GABRA3: variants seen among roughly 807,000 people sequenced by gnomAD.
The protein encoded by GABRA3 is gamma-aminobutyric acid type A receptor subunit alpha3.
Under a neutral mutation model 30.1 loss-of-function variants are expected in GABRA3, and 10 were observed. The ratio of observed to expected loss-of-function variants is 0.33; its 90% CI spans 0.20 to 0.56. The LOEUF (loss-of-function observed/expected upper bound fraction) is 0.56, where lower values mean the gene tolerates loss of function less well. GABRA3 is among the 20% of genes least tolerant of loss of function. The pLI, the probability that GABRA3 is intolerant of heterozygous loss-of-function variation, is 0.89. For synonymous variants in GABRA3, 151 were observed against 146.8 expected, an observed-to-expected ratio of 1.03 and a Z score of -0.21; for missense variants, 233 against 392.0, an observed-to-expected ratio of 0.59 and a Z score of 3.42.
At chrX:152,361,662 T>C (rs1432136018) in intron 2 of GABRA3, among the ~76,000 whole-genome samples, 1 of 109,403 alleles carries the variant, frequency 9.1e-6, no homozygotes, top group Non-Finnish European at 1.9e-5. Flanking sequence ...GTTTGTTTGT[T>C]TTAGAGATAG....
chrX:152,301,668 G>A (rs1671137765), intron 3 of GABRA3, among the ~76,000 whole-genome samples: 1 of 110,334 alleles, frequency 9.1e-6, no homozygotes, highest in African/African-American at 3.3e-5. Context: ...TGAGTAGCTG[G>A]GATTACAGGC....
chrX:152,286,145 T>G (rs1939291845), intron 3 of GABRA3, among the ~76,000 whole-genome samples: 1 of 101,851 alleles, frequency 9.8e-6, no homozygotes, highest in South Asian at 4.7e-4. Context: ...ATAAGTTATA[T>G]ACTTATATAC....
intron 2 of GABRA3, among the ~76,000 whole-genome samples, chrX:152,347,065 C>T (rs1279471755): frequency 1.8e-5 from 2 of 112,001 alleles, no homozygotes; most frequent in Non-Finnish European, 3.8e-5. Context: ...GGACTGTTCA[C>T]AATCGGTAAG....
intron 3 of GABRA3, among the ~76,000 whole-genome samples, chrX:152,322,889 T>A (rs763609659): frequency 1.2e-5 from 1 of 85,131 alleles, no homozygotes; most frequent in African/African-American, 4.6e-5. Flanking sequence ...AGTCTTGCTC[T>A]GTCACCAGGC....
intron 4 of GABRA3, among the ~76,000 whole-genome samples, chrX:152,272,240 C>T (rs1938955958): frequency 8.9e-6 from 1 of 112,255 alleles, no homozygotes; most frequent in Admixed American, 9.4e-5. Context: ...GGGACTGTAC[C>T]CTGCAAAGCC....
At chrX:152,413,283 G>A (rs1327718412) in intron 1 of GABRA3, among the ~76,000 whole-genome samples, 1 of 110,353 alleles carries the variant, frequency 9.1e-6, no homozygotes, top group Non-Finnish European at 1.9e-5. Context: ...AAGGTGAATA[G>A]GAAAGAACAG....
chrX:152,420,814 T>C (rs1350027894), intron 1 of GABRA3, among the ~76,000 whole-genome samples: 1 of 111,074 alleles, frequency 9.0e-6, no homozygotes, highest in Non-Finnish European at 1.9e-5. Context: ...TATTGATTGA[T>C]ATGGTTTGGC....
Position 152,168,076 on chromosome X carries a change from C to G in GABRA3, c.*152G>C. ...GTAATTTTTCTGTAGTTATTTTTTG[C>G]GTAGAGATTCATAAATATGAATTGA... On this transcript the variant is annotated 3_prime_UTR_variant, in exon 10 of 10. Coordinates refer to ENST00000370314, the MANE Select transcript of GABRA3 (RefSeq NM_000808.4). The G allele has an allele frequency of 2.2e-6, 1 of 464,233 alleles. No individual in the cohort carries two copies. Among genetic ancestry groups the G allele is most frequent in the Non-Finnish European group, 3.7e-6 (1 of 271,551 alleles). The allele number at this position is 464,233 out of a possible 1,213,427, so 38.3% of individuals were successfully genotyped here.
intron 6 of GABRA3, among the ~76,000 whole-genome samples, chrX:152,210,340 A>G (rs1008573568): frequency 1.8e-5 from 2 of 112,096 alleles, no homozygotes; most frequent in Non-Finnish European, 3.8e-5. Flanking sequence ...TAATTTTTTA[A>G]AAAAATTGAT....
At chrX:152,300,794 C>A (rs1478790330) in intron 3 of GABRA3, among the ~76,000 whole-genome samples, 1 of 111,734 alleles carries the variant, frequency 8.9e-6, no homozygotes, top group Non-Finnish European at 1.9e-5. Flanking sequence ...ACAAAGGAGT[C>A]AGTGAACTTG....
At chrX:152,401,266 G>GTATATATATATATATATATA (rs747896105) in intron 1 of GABRA3, among the ~76,000 whole-genome samples, 20 of 97,309 alleles carry the variant, frequency 2.1e-4, no homozygotes, top group African/African-American at 7.5e-4. Context: ...TTTAATGTGT[G>GTATATATATATATATATATA]TATATATATA....
At position 152,408,293 on chromosome X, in the gene GABRA3, T is replaced by G. The variant is rs1461801835; in HGVS notation, c.-27+42853A>C. On this transcript the variant is annotated intron_variant, in intron 1 of 9. Transcript: ENST00000370314. ...AAGAAGAAGTCAAATTATCCTTTTT[T>G]GCAGATATAATCTTATATTGTTAAA... 2.7e-5 allele frequency among the ~76,000 whole-genome samples: 3 copies of G among 111,620 alleles called. No homozygotes were observed. The East Asian group carries it at 8.5e-4, about 31-fold the overall frequency.
intron 4 of GABRA3, among the ~76,000 whole-genome samples, chrX:152,263,753 A>G (rs1197958848): frequency 8.9e-6 from 1 of 111,846 alleles, no homozygotes; most frequent in Non-Finnish European, 1.9e-5. Flanking sequence ...AACCAGACTT[A>G]ACTCAAAGAA....
At chrX:152,340,903 G>C (rs1362296626) in intron 3 of GABRA3, among the ~76,000 whole-genome samples, 3 of 110,821 alleles carry the variant, frequency 2.7e-5, no homozygotes, top group African/African-American at 9.9e-5. Flanking sequence ...TACCCTTTGG[G>C]TACAAGTGTT....
chrX:152,307,192 A>T (rs942160608), intron 3 of GABRA3, among the ~76,000 whole-genome samples: 11 of 111,613 alleles, frequency 9.9e-5, no homozygotes, highest in African/African-American at 3.6e-4. Context: ...TCAATACCTG[A>T]CCTCACGGCC....
chrX:152,409,639 A>C (rs990947336), intron 1 of GABRA3, among the ~76,000 whole-genome samples: 1 of 111,638 alleles, frequency 9.0e-6, no homozygotes, highest in Non-Finnish European at 1.9e-5. Flanking sequence ...AATAACCAGA[A>C]TATACAAGGA....
chrX:152,279,052 C>T (rs1238151201), intron 4 of GABRA3, among the ~76,000 whole-genome samples: 7 of 111,529 alleles, frequency 6.3e-5, no homozygotes, highest in Admixed American at 9.5e-5. Flanking sequence ...TTCTCCCATT[C>T]TGTAGGTTGC....
At chrX:152,320,849 G>A (rs765598417) in intron 3 of GABRA3, among the ~76,000 whole-genome samples, 2 of 111,816 alleles carry the variant, frequency 1.8e-5, no homozygotes, top group Non-Finnish European at 3.8e-5. Context: ...ACAGAGGAGG[G>A]ATCAAACTTC....
intron 1 of GABRA3, among the ~76,000 whole-genome samples, chrX:152,450,713 A>C (rs1931199727): frequency 9.0e-6 from 1 of 111,245 alleles, no homozygotes; most frequent in Non-Finnish European, 1.9e-5. Flanking sequence ...GAAGGGAGAA[A>C]GCTCCAGCCA....
Sources: gnomAD v4.1 joint callset for allele counts (sites outside exome capture counted in the v4.1 genomes callset) on GRCh38, gnomAD v4.1.1 for gene constraint, MANE v1.5 for transcripts, NCBI Gene and HGNC (gene_info 2026-07-23, HGNC 2026-07-21) for gene names.